ZNF385D: variants seen among roughly 807,000 people sequenced by gnomAD.
ZNF385D encodes the protein zinc finger protein 659.
A neutral mutation model predicts 35.8 loss-of-function variants in ZNF385D; 15 were observed. The ratio of observed to expected loss-of-function variants is 0.42; its 90% CI spans 0.28 to 0.64. The LOEUF is 0.64. ZNF385D is among the 30% of genes least tolerant of loss of function. The probability of loss-of-function intolerance (pLI) is 0.23; values close to 1 mark genes in which losing one functional copy is unlikely to be tolerated. For missense variants in ZNF385D, 474 were observed against 494.6 expected, an observed-to-expected ratio of 0.96 and a Z score of 0.39; for synonymous variants, 212 against 186.8, an observed-to-expected ratio of 1.13 and a Z score of -1.10.
chr3:21,975,519 T>C (rs113705455), intron 3 of ZNF385D, among the ~76,000 whole-genome samples: 3 of 152,158 alleles, frequency 2.0e-5, no homozygotes, highest in African/African-American at 7.2e-5. Flanking sequence ...TAACGATTTA[T>C]TGTACACTTT....
chr3:21,623,172 T>G (rs1011224439), intron 2 of ZNF385D, among the ~76,000 whole-genome samples: 1 of 152,110 alleles, frequency 6.6e-6, no homozygotes, highest in African/African-American at 2.4e-5. Flanking sequence ...CCTGCCCCAC[T>G]GGGTTGTTGT....
At chr3:22,076,562 A>G (rs191591109) in intron 3 of ZNF385D, among the ~76,000 whole-genome samples, 1 of 152,024 alleles carries the variant, frequency 6.6e-6, no homozygotes, top group South Asian at 2.1e-4. Context: ...ATCACAAACT[A>G]CAATTACGTA....
At chr3:21,467,445 G>T (rs904992985) in intron 4 of ZNF385D, among the ~76,000 whole-genome samples, 12 of 152,104 alleles carry the variant, frequency 7.9e-5, no homozygotes, top group Admixed American at 6.6e-4. Flanking sequence ...TATAGTTTTT[G>T]GGGGGAACAA....
chr3:22,016,440 A>C (rs1253027649), intron 3 of ZNF385D, among the ~76,000 whole-genome samples: 1 of 152,124 alleles, frequency 6.6e-6, no homozygotes, highest in African/African-American at 2.4e-5. Context: ...AGACCAAGGT[A>C]AACAACTATT....
intron 3 of ZNF385D, among the ~76,000 whole-genome samples, chr3:21,801,172 TC>T (rs776284917): frequency 6.6e-6 from 1 of 152,180 alleles, no homozygotes; most frequent in Non-Finnish European, 1.5e-5. Flanking sequence ...CTGGAATAAA[TC>T]CTACTTGGTC....
chr3:21,934,016 ATCCT>A (rs1701142294), intron 3 of ZNF385D, among the ~76,000 whole-genome samples: 3 of 151,500 alleles, frequency 2.0e-5, no homozygotes, highest in African/African-American at 7.3e-5. Flanking sequence ...TAAAAAAAAA[ATCCT>A]AACTTTGGCT....
At chr3:21,804,538 C>G (rs1000854914) in intron 3 of ZNF385D, among the ~76,000 whole-genome samples, 2 of 152,054 alleles carry the variant, frequency 1.3e-5, no homozygotes, top group African/African-American at 4.8e-5. Context: ...ATTTGTCAAG[C>G]CTTGCCTAAG....
chr3:22,027,936 A>G (rs1290488432), intron 3 of ZNF385D, among the ~76,000 whole-genome samples: 2 of 152,306 alleles, frequency 1.3e-5, no homozygotes, highest in East Asian at 3.9e-4. Context: ...CTGCAGCACT[A>G]CAGCCCCTTT....
chr3:22,066,976 G>C lies in ZNF385D; in HGVS notation c.325+101841C>G, dbSNP rs115978048. Among the ~76,000 whole-genome samples the C allele has an allele frequency of 8.3e-3, 1,267 of 152,234 alleles. 17 individuals carry two copies. The highest frequency in any genetic ancestry group is 0.028 in the African/African-American group (1,146 of 41,538). Reference sequence around the variant, plus strand: ...CTACTTTCTAACATCCATCAAGTCAGCAATGGATTATGAAAGTCTAGATCA... The same window carrying C: ...CTACTTTCTAACATCCATCAAGTCACCAATGGATTATGAAAGTCTAGATCA... On this transcript the variant is annotated intron_variant, in intron 3 of 5. Transcript: ENST00000494108.
At chr3:22,171,470 T>G (rs1265395959) in intron 2 of ZNF385D, among the ~76,000 whole-genome samples, 1 of 152,130 alleles carries the variant, frequency 6.6e-6, no homozygotes, top group Non-Finnish European at 1.5e-5. Context: ...ACAATTAATT[T>G]TGTACTAAGT....
chr3:21,523,189 G>T (rs1708024244), intron 3 of ZNF385D, among the ~76,000 whole-genome samples: 1 of 152,170 alleles, frequency 6.6e-6, no homozygotes, highest in Non-Finnish European at 1.5e-5. Flanking sequence ...CCCTTTAAAA[G>T]CCTATGAGTG....
chr3:22,002,564 T>C (rs1695923044), intron 3 of ZNF385D, among the ~76,000 whole-genome samples: 1 of 152,120 alleles, frequency 6.6e-6, no homozygotes, highest in Admixed American at 6.5e-5. Flanking sequence ...GGGAATTCTT[T>C]CTAACTCATT....
intron 3 of ZNF385D, among the ~76,000 whole-genome samples, chr3:22,028,194 G>C (rs1169054743): frequency 6.6e-6 from 1 of 152,200 alleles, no homozygotes; most frequent in Non-Finnish European, 1.5e-5. Flanking sequence ...GTCAAAAACT[G>C]TGAAGATGCT....
chr3:22,125,080 A>G (rs1703349631), intron 3 of ZNF385D, among the ~76,000 whole-genome samples: 1 of 152,008 alleles, frequency 6.6e-6, no homozygotes, highest in South Asian at 2.1e-4. Context: ...AATCGACTTT[A>G]ATTTTATTCT....
chr3:22,038,086 A>T (rs1698448938), intron 3 of ZNF385D, among the ~76,000 whole-genome samples: 1 of 152,188 alleles, frequency 6.6e-6, no homozygotes, highest in African/African-American at 2.4e-5. Flanking sequence ...TTCAAGATGG[A>T]TTAAAGACTT....
At chr3:21,530,555 G>A (rs1021153075) in intron 3 of ZNF385D, among the ~76,000 whole-genome samples, 3 of 152,152 alleles carry the variant, frequency 2.0e-5, no homozygotes, top group Non-Finnish European at 4.4e-5. Flanking sequence ...AATGGGAGGA[G>A]AAAATACTAG....
intron 2 of ZNF385D, among the ~76,000 whole-genome samples, chr3:22,261,823 C>A (rs1314046923): frequency 6.6e-6 from 1 of 151,964 alleles, no homozygotes; most frequent in Non-Finnish European, 1.5e-5. Flanking sequence ...GAAACCCATA[C>A]CTCTACTTCC....
intron 3 of ZNF385D, among the ~76,000 whole-genome samples, chr3:22,022,224 T>C (rs1457662843): frequency 1.3e-5 from 2 of 152,122 alleles, no homozygotes; most frequent in African/African-American, 4.8e-5. Flanking sequence ...TATATAAAAT[T>C]AAGTTAACTG....
intron 4 of ZNF385D, among the ~76,000 whole-genome samples, chr3:21,484,031 G>A (rs1190056999): frequency 6.6e-6 from 1 of 152,080 alleles, no homozygotes; most frequent in Non-Finnish European, 1.5e-5. Flanking sequence ...AATGTTAACT[G>A]TAACAAGGGA....
Sources: allele counts gnomAD v4.1 joint callset (sites outside exome capture counted in the v4.1 genomes callset), GRCh38; gene constraint gnomAD v4.1.1; transcripts MANE v1.5; gene names NCBI Gene and HGNC (gene_info 2026-07-23, HGNC 2026-07-21).